The following PDE10A variants were observed in gnomAD, a reference collection of about 807,000 sequenced individuals.
PDE10A encodes phosphodiesterase 10A.
A neutral mutation model predicts 97.7 loss-of-function variants in PDE10A; 39 were observed. The observed-to-expected ratio is 0.40, with a 90% CI of 0.31 to 0.52. PDE10A has a LOEUF of 0.52. Among genes scored for constraint, PDE10A ranks in the 20% least tolerant of loss-of-function variants. PDE10A has a pLI of 0.56. For synonymous variants in PDE10A, 371 were observed against 376.8 expected, an observed-to-expected ratio of 0.98 and a Z score of 0.18; for missense variants, 731 against 1,047.8, an observed-to-expected ratio of 0.70 and a Z score of 4.17.
At chr6:165,472,016 G>C (rs1779043382) in intron 3 of PDE10A, among the ~76,000 whole-genome samples, 1 of 151,836 alleles carries the variant, frequency 6.6e-6, no homozygotes, top group African/African-American at 2.4e-5. Flanking sequence ...TATTTTCCTA[G>C]CTTTAAATAA....
At position 165,418,516 on chromosome 6, in the gene PDE10A, A is replaced by C; in HGVS notation, c.1796+119T>G. On this transcript the variant is annotated intron_variant, in intron 11 of 21. Transcript: ENST00000539869. The surrounding 1 kb of genome is among the most constrained non-coding windows in gnomAD (Gnocchi z 4.8). Reference sequence around the variant, plus strand: ...CCTTCAGGAGGCGGGTCCTGGTGGGAATGATATCACAGTATGACAAGTATT... The same window carrying C: ...CCTTCAGGAGGCGGGTCCTGGTGGGCATGATATCACAGTATGACAAGTATT... 1 of 921,718 alleles carries C rather than the reference A, an allele frequency of 1.1e-6. No homozygotes were observed. Among genetic ancestry groups the C allele is most frequent in the Non-Finnish European group, 1.6e-6 (1 of 609,214 alleles). The allele number at this position is 921,718 out of a possible 1,614,324, so 57.1% of individuals were successfully genotyped here.
chr6:165,639,690 G>A (rs1393193907), intron 1 of PDE10A, among the ~76,000 whole-genome samples: 1 of 148,956 alleles, frequency 6.7e-6, no homozygotes, highest in Non-Finnish European at 1.5e-5. Flanking sequence ...AAGGAGCCGA[G>A]GTTGCACCAT....
chr6:165,491,325 T>C (rs150590075), intron 2 of PDE10A, among the ~76,000 whole-genome samples: 9,174 of 152,130 alleles, frequency 0.06, 480 homozygotes, highest in East Asian at 0.25. Flanking sequence ...CTGACAGCAC[T>C]AAACAGGTCA....
At chr6:165,984,318 A>T (rs185049779) in intron 1 of PDE10A, among the ~76,000 whole-genome samples, 41 of 152,374 alleles carry the variant, frequency 2.7e-4, no homozygotes, top group African/African-American at 9.6e-4. Context: ...CTGGTAGTAC[A>T]GACTTCCATA....
intron 1 of PDE10A, among the ~76,000 whole-genome samples, chr6:165,901,439 G>C (rs910323898): frequency 3.9e-5 from 6 of 152,116 alleles, no homozygotes; most frequent in African/African-American, 1.4e-4. Flanking sequence ...TCCTCATCAG[G>C]GCTCCGGGTC....
At chr6:165,364,806 T>TA (rs1157390320) in intron 18 of PDE10A, among the ~76,000 whole-genome samples, 1 of 151,988 alleles carries the variant, frequency 6.6e-6, no homozygotes, top group African/African-American at 2.4e-5. Context: ...AAATAAAAAA[T>TA]AAAAAACAAG....
At chr6:165,887,322 C>T (rs921891210) in intron 1 of PDE10A, among the ~76,000 whole-genome samples, 4 of 152,202 alleles carry the variant, frequency 2.6e-5, no homozygotes, top group African/African-American at 9.7e-5. Flanking sequence ...CAGAAGAACC[C>T]CCAGATTCTT....
At chr6:165,574,985 A>T (rs1785230666) in intron 1 of PDE10A, among the ~76,000 whole-genome samples, 1 of 152,170 alleles carries the variant, frequency 6.6e-6, no homozygotes, top group African/African-American at 2.4e-5. Flanking sequence ...CTCTCTGATG[A>T]CACCATCCTA....
chr6:165,691,528 G>A lies in PDE10A; in HGVS notation c.-614-147960C>T, dbSNP rs574861945. Among the ~76,000 whole-genome samples the A allele has an allele frequency of 8.5e-4, 128 of 151,230 alleles. 2 individuals carry two copies. The highest frequency in any genetic ancestry group is 1.3e-3 in the South Asian group (6 of 4,750). On this transcript the variant is annotated intron_variant, in intron 1 of 19. Transcript: ENST00000366882. ...CGCCTGATAACACATTTCTCAGAATGCATCTTCATCATTAAGTGATGTGTG... is the reference window on the plus strand; with the variant it reads ...CGCCTGATAACACATTTCTCAGAATACATCTTCATCATTAAGTGATGTGTG...
intron 1 of PDE10A, among the ~76,000 whole-genome samples, chr6:165,899,789 C>A (rs1209123204): frequency 6.6e-6 from 1 of 152,242 alleles, no homozygotes; most frequent in African/African-American, 2.4e-5. Flanking sequence ...CTGGCTAAGG[C>A]AGAGCTCTGC....
intron 1 of PDE10A, among the ~76,000 whole-genome samples, chr6:165,618,945 T>C (rs797004216): frequency 2.7e-5 from 4 of 146,600 alleles, no homozygotes; most frequent in South Asian, 4.3e-4. Flanking sequence ...TAGTGTAGTC[T>C]AGTGTAGTGC....
At chr6:165,342,616 G>A (rs1303362680) in intron 19 of PDE10A, among the ~76,000 whole-genome samples, 2 of 152,158 alleles carry the variant, frequency 1.3e-5, no homozygotes, top group Non-Finnish European at 2.9e-5. Flanking sequence ...TGAGATATAC[G>A]ATTGAATTAT....
intron 1 of PDE10A, among the ~76,000 whole-genome samples, chr6:165,919,789 C>G (rs1782706209): frequency 6.6e-6 from 1 of 152,110 alleles, no homozygotes; most frequent in South Asian, 2.1e-4. Flanking sequence ...TTATTCTGAT[C>G]CTCCCAACTT....
At chr6:165,829,776 TGGA>T (rs998457766) in intron 1 of PDE10A, among the ~76,000 whole-genome samples, 1 of 152,190 alleles carries the variant, frequency 6.6e-6, no homozygotes, top group African/African-American at 2.4e-5. Flanking sequence ...GTATCTGGCA[TGGA>T]GGAGATGTTT....
At chr6:165,831,668 G>A (rs1226853655) in intron 1 of PDE10A, among the ~76,000 whole-genome samples, 1 of 151,706 alleles carries the variant, frequency 6.6e-6, no homozygotes, top group Non-Finnish European at 1.5e-5. Flanking sequence ...GTATTTTTCA[G>A]TAGAGACGGG....
chr6:165,389,929 C>G (rs182706619), intron 16 of PDE10A, among the ~76,000 whole-genome samples: 56 of 152,306 alleles, frequency 3.7e-4, no homozygotes, highest in African/African-American at 1.3e-3. Flanking sequence ...CCTATTACAA[C>G]ACATTTCATA....
chr6:165,916,169 C>T (rs1429894327), intron 1 of PDE10A, among the ~76,000 whole-genome samples: 6 of 152,216 alleles, frequency 3.9e-5, no homozygotes. Flanking sequence ...ACGTTGTCAG[C>T]AATTGTCAGA....
intron 1 of PDE10A, among the ~76,000 whole-genome samples, chr6:165,782,107 T>G (rs1778356843): frequency 6.6e-6 from 1 of 152,170 alleles, no homozygotes; most frequent in East Asian, 1.9e-4. Flanking sequence ...AAGTTCTAAT[T>G]AAAGTATGTT....
In PDE10A at chr6:165,481,932, T is replaced by C. The variant is rs79826868; in HGVS notation, c.1023+383A>G. On this transcript the variant is annotated intron_variant, in intron 3 of 21. Transcript: ENST00000539869. ...GACTGGGGCTGCCTGGAGAGCATCA[T>C]GCAGCTGAAGGCAGCTTCCGCTTCC... 3.6e-3 allele frequency among the ~76,000 whole-genome samples: 549 copies of C among 152,318 alleles called. 4 individuals carry two copies. Among genetic ancestry groups the C allele is most frequent in the African/African-American group, 0.013 (535 of 41,564 alleles).
Sources: allele counts gnomAD v4.1 joint callset (sites outside exome capture counted in the v4.1 genomes callset), GRCh38; gene constraint gnomAD v4.1.1; non-coding constraint Gnocchi (gnomAD v3.1); transcripts MANE v1.5; gene names NCBI Gene and HGNC (gene_info 2026-07-23, HGNC 2026-07-21).